Variants in HSD17B11 observed in about 807,000 individuals in gnomAD.
HSD17B11 encodes the protein hydroxysteroid 17-beta dehydrogenase 11, also known as estradiol 17-beta-dehydrogenase 11.
HSD17B11 carries 22 observed loss-of-function variants against 27.8 expected under a neutral mutation model. The ratio of observed to expected loss-of-function variants is 0.79; its 90% CI spans 0.56 to 1.13. The LOEUF is 1.13. Among genes scored for constraint, HSD17B11 ranks in the 50% most tolerant of loss-of-function variants. HSD17B11 has a pLI of 0.00. For synonymous variants in HSD17B11, 117 were observed against 132.8 expected, an observed-to-expected ratio of 0.88 and a Z score of 0.82; for missense variants, 314 against 351.1, an observed-to-expected ratio of 0.89 and a Z score of 0.84.
At chr4:87,342,311 G>A (rs1007523170) in intron 5 of HSD17B11, among the ~76,000 whole-genome samples, 1 of 151,678 alleles carries the variant, frequency 6.6e-6, no homozygotes, top group African/African-American at 2.4e-5. Flanking sequence ...GAACCCAGGA[G>A]GCAGAGATTG....
intron 5 of HSD17B11, among the ~76,000 whole-genome samples, chr4:87,347,156 G>T: frequency 3.2e-5 from 2 of 62,760 alleles, no homozygotes; most frequent in Admixed American, 1.5e-4. Context: ...TAAGTTTTAG[G>T]GTACATGTGC....
intron 4 of HSD17B11, among the ~76,000 whole-genome samples, chr4:87,364,998 G>A (rs1437526178): frequency 2.6e-5 from 4 of 152,148 alleles, no homozygotes; most frequent in South Asian, 2.1e-4. Context: ...GGGAAAACCC[G>A]TCTCTAGTAA....
rs7696693 is a variant in HSD17B11, at chr4:87,378,831, A to T, written c.318+3424T>A. Among the ~76,000 whole-genome samples the T allele has an allele frequency of 2.1e-3, 46 of 21,818 alleles. 1 individual carries two copies. The highest frequency in any genetic ancestry group is 4.7e-3 in the African/African-American group (22 of 4,656). The allele number at this position is 21,818 out of a possible 152,430, so 14.3% of individuals were successfully genotyped here. ...TATATAAATATAAAATATATATATA[A>T]ATATATATATATAAATATATATATA... is the stretch of plus-strand genomic sequence containing the variant. On this transcript the variant is annotated intron_variant, in intron 2 of 6. Transcript: ENST00000358290.
intron 6 of HSD17B11, among the ~76,000 whole-genome samples, chr4:87,337,955 C>T (rs150813720): frequency 2.8e-4 from 42 of 152,298 alleles, no homozygotes; most frequent in African/African-American, 8.7e-4. Context: ...TGGTGGCTCA[C>T]GCCTGTAATC....
intron 2 of HSD17B11, among the ~76,000 whole-genome samples, chr4:87,380,246 A>G (rs138723533): frequency 0.039 from 5,940 of 151,484 alleles, 414 homozygotes; most frequent in African/African-American, 0.14. Context: ...AGGCCAAGGC[A>G]GGCGGATCGC....
intron 4 of HSD17B11, among the ~76,000 whole-genome samples, chr4:87,370,840 C>T (rs1224993887): frequency 1.8e-5 from 2 of 108,208 alleles, no homozygotes; most frequent in Non-Finnish European, 3.7e-5. Context: ...GCAAGCTCCG[C>T]CTCCCGGGTT....
At chr4:87,359,616 A>C (rs797018064) in intron 4 of HSD17B11, among the ~76,000 whole-genome samples, 6 of 152,338 alleles carry the variant, frequency 3.9e-5, no homozygotes, top group African/African-American at 9.6e-5. Flanking sequence ...CTTTTGCCTC[A>C]GTCTCTCACG....
rs967197734 is a variant in HSD17B11, at chr4:87,340,478, A to G, written c.812+12T>C. ...TACCTTTCATTTCTAAGGTTTCTTA[A>G]CTGTCACTTACCTTTCCAATGTTGT... On this transcript the variant is annotated intron_variant, in intron 6 of 6. Coordinates refer to ENST00000358290, the MANE Select transcript of HSD17B11 (RefSeq NM_016245.5). 9 of 1,498,790 alleles carry G rather than the reference A, an allele frequency of 6.0e-6. No individual in the cohort carries two copies. In the East Asian group the frequency reaches 1.8e-4, roughly 30 times the overall value. The allele number at this position is 1,498,790 out of a possible 1,614,324, so 92.8% of individuals were successfully genotyped here.
chr4:87,386,480 G>C (rs1208627565), intron 1 of HSD17B11, among the ~76,000 whole-genome samples: 1 of 152,138 alleles, frequency 6.6e-6, no homozygotes, highest in African/African-American at 2.4e-5. Context: ...TGGGATTACA[G>C]GGGTGAGCCA....
At chr4:87,371,825 T>G (rs1233114421) in intron 4 of HSD17B11, among the ~76,000 whole-genome samples, 1 of 152,194 alleles carries the variant, frequency 6.6e-6, no homozygotes, top group Non-Finnish European at 1.5e-5. Context: ...CTGAGGATTC[T>G]GAAGAGGAGT....
At chr4:87,346,033 A>G (rs995494207) in intron 5 of HSD17B11, among the ~76,000 whole-genome samples, 2 of 152,208 alleles carry the variant, frequency 1.3e-5, no homozygotes, top group South Asian at 4.1e-4. Flanking sequence ...AGATGCAAAA[A>G]TTCTCAACAA....
chr4:87,361,533 C>T (rs1352234154), intron 4 of HSD17B11, among the ~76,000 whole-genome samples: 3 of 152,042 alleles, frequency 2.0e-5, no homozygotes, highest in Non-Finnish European at 4.4e-5. Flanking sequence ...TCTGGGAGGC[C>T]AAGGCGGGCG....
intron 1 of HSD17B11, among the ~76,000 whole-genome samples, chr4:87,387,433 A>C (rs1047601774): frequency 1.1e-4 from 16 of 152,156 alleles, no homozygotes; most frequent in African/African-American, 3.9e-4. Context: ...GCTAGATCTC[A>C]TAACAATCAA....
At chr4:87,382,139 T>C in intron 2 of HSD17B11, 116 bp downstream of exon 2, 1 of 741,572 alleles carries the variant, frequency 1.3e-6, no homozygotes, top group Non-Finnish European at 2.3e-6. Context: ...TCTATAACCT[T>C]GGTCAAATAA....
At chr4:87,353,329 AATAAC>A (rs748837810) in intron 5 of HSD17B11, among the ~76,000 whole-genome samples, 34 of 152,244 alleles carry the variant, frequency 2.2e-4, no homozygotes, top group Non-Finnish European at 3.8e-4. Context: ...AAGAGGGACT[AATAAC>A]ATCTCCCCAA....
chr4:87,376,516 A>C (rs1414396632), intron 2 of HSD17B11, among the ~76,000 whole-genome samples: 3 of 148,346 alleles, frequency 2.0e-5, no homozygotes, highest in African/African-American at 7.5e-5. Flanking sequence ...AAAAAAAAAA[A>C]AAAAAACCCA....
chr4:87,381,432 C>G (rs930063407), intron 2 of HSD17B11, among the ~76,000 whole-genome samples: 1 of 152,032 alleles, frequency 6.6e-6, no homozygotes, highest in African/African-American at 2.4e-5. Flanking sequence ...CAGCACATCT[C>G]AATTGTATCT....
chr4:87,359,009 TG>T (rs1265673258), intron 4 of HSD17B11, among the ~76,000 whole-genome samples: 1 of 152,128 alleles, frequency 6.6e-6, no homozygotes, highest in African/African-American at 2.4e-5. Context: ...CAAGATCTGA[TG>T]GTTTTTTAGG....
intron 1 of HSD17B11, among the ~76,000 whole-genome samples, chr4:87,384,400 G>A (rs55806847): frequency 0.34 from 51,421 of 152,026 alleles, 9,593 homozygotes; most frequent in African/African-American, 0.47. Flanking sequence ...GTGATTTTTA[G>A]GGAACAAGGG....
Sources: gnomAD v4.1 joint callset for allele counts (sites outside exome capture counted in the v4.1 genomes callset) on GRCh38, gnomAD v4.1.1 for gene constraint, MANE v1.5 for transcripts, NCBI Gene and HGNC (gene_info 2026-07-23, HGNC 2026-07-21) for gene names.